Variants in OSBPL11 observed in about 807,000 individuals in gnomAD.
OSBPL11 encodes oxysterol binding protein like 11, also known as oxysterol-binding protein-related protein 11.
A neutral mutation model predicts 84.4 loss-of-function variants in OSBPL11; 33 were observed. The ratio of observed to expected loss-of-function variants is 0.39; its 90% CI spans 0.30 to 0.52. The LOEUF is 0.52. Ranked by LOEUF, OSBPL11 falls within the 20% of genes least tolerant of loss-of-function variation. The pLI is 0.72. For missense variants in OSBPL11, 736 were observed against 901.1 expected (o/e 0.82, Z 2.35); for synonymous variants, 276 against 310.2 (o/e 0.89, Z 1.16).
At chr3:125,591,109 C>T (rs1012590616) in intron 1 of OSBPL11, among the ~76,000 whole-genome samples, 14 of 152,170 alleles carry the variant, frequency 9.2e-5, no homozygotes, top group African/African-American at 3.4e-4. Flanking sequence ...ATTTCCAATA[C>T]TCCATATCTC....
chr3:125,537,397 A>G (rs2922174), intron 11 of OSBPL11, among the ~76,000 whole-genome samples: 151,224 of 152,158 alleles, frequency 0.99, 75,175 homozygotes, highest in African/African-American at 1. Flanking sequence ...GTGAAAAATG[A>G]TAAATAATAT....
chr3:125,546,773 A>G (rs1473611328), intron 10 of OSBPL11, among the ~76,000 whole-genome samples: 5 of 152,054 alleles, frequency 3.3e-5, no homozygotes, highest in Admixed American at 2.0e-4. Flanking sequence ...TGCCGTAATC[A>G]CAGCTACTTG....
rs1256290142 is a variant in OSBPL11, at chr3:125,552,577, T to C, written c.1258A>G (p.Thr420Ala). The part of the protein sequence containing the change: ...DLFIAITNGA[T>A]AEDRMIRFVE... ...AAGCGAATCATTCTGTCCTCAGCTG[T>C]GGCTCCATTAGTGATGGCTATAAAT... Residue 420 changes from threonine (T) to alanine (A), a missense_variant, in exon 9 of 13, where the codon ACA becomes GCA. Physicochemically the swap from Thr to Ala is moderately conservative, Grantham distance 58. Around this residue, in one of 3 missense-constraint regions of OSBPL11, gnomAD observed 579 missense variants for 717.6 expected, o/e 0.81. Coordinates refer to ENST00000296220, the MANE Select transcript of OSBPL11 (RefSeq NM_022776.5). The C allele has an allele frequency of 1.2e-6, 2 of 1,614,206 alleles. No individual in the cohort carries two copies. The highest frequency in any genetic ancestry group is 3.3e-5 in the Admixed American group (2 of 60,030).
chr3:125,589,955 A>G (rs1333441272), intron 1 of OSBPL11, among the ~76,000 whole-genome samples: 3 of 152,064 alleles, frequency 2.0e-5, no homozygotes, highest in Admixed American at 2.0e-4. Context: ...GCCATCAAAC[A>G]CCCTGGTTTG....
intron 8 of OSBPL11, among the ~76,000 whole-genome samples, chr3:125,556,874 G>A (rs751883061): frequency 1.3e-5 from 2 of 152,202 alleles, no homozygotes; most frequent in Non-Finnish European, 2.9e-5. Flanking sequence ...GGGGAACTCA[G>A]AGATTCCAAG....
At chr3:125,569,783 A>C (rs919681030) in intron 5 of OSBPL11, among the ~76,000 whole-genome samples, 4 of 152,192 alleles carry the variant, frequency 2.6e-5, no homozygotes, top group Admixed American at 1.3e-4. Flanking sequence ...AGTAAATCTC[A>C]AACACATACA....
At position 125,594,949 on chromosome 3, in the gene OSBPL11, G is replaced by C. The variant is rs1161037136; in HGVS notation, c.-149C>G. The C allele has an allele frequency of 6.3e-6, 5 of 791,112 alleles. No homozygotes were observed. In the East Asian group the frequency reaches 1.3e-4, roughly 21 times the overall value. 49.0% of individuals were successfully genotyped at this position (791,112 alleles called of 1,614,324 possible). A position where few individuals can be genotyped will look rare whatever the true frequency, so the allele number is the denominator to read the frequency against. On this transcript the variant is annotated 5_prime_UTR_variant, in exon 1 of 13. Transcript: ENST00000296220. ...TGGGGCGGGACTGTCAAATGGTCCAGAAAAGGAAGATACACATTCCCACAG... is the reference window on the plus strand; with the variant it reads ...TGGGGCGGGACTGTCAAATGGTCCACAAAAGGAAGATACACATTCCCACAG...
At chr3:125,590,848 A>G (rs1371172284) in intron 1 of OSBPL11, among the ~76,000 whole-genome samples, 2 of 152,220 alleles carry the variant, frequency 1.3e-5, no homozygotes, top group African/African-American at 4.8e-5. Context: ...GAGTTTATCT[A>G]CTTTTAATAC....
chr3:125,575,998 G>A (rs1026736334), intron 5 of OSBPL11, among the ~76,000 whole-genome samples, 191 bp downstream of exon 5: 2 of 149,686 alleles, frequency 1.3e-5, no homozygotes, highest in Non-Finnish European at 3.0e-5. Flanking sequence ...TACCTAGTAC[G>A]TGACAGACAT....
chr3:125,584,031 C>T (rs1936468005), intron 1 of OSBPL11, among the ~76,000 whole-genome samples: 1 of 152,158 alleles, frequency 6.6e-6, no homozygotes. Flanking sequence ...AGAGCTCCTC[C>T]TCTGTTTTAG....
chr3:125,530,233 T>C lies in OSBPL11; in HGVS notation c.*282A>G, dbSNP rs895512886. On this transcript the variant is annotated 3_prime_UTR_variant, in exon 13 of 13. Transcript: ENST00000296220. ...AAAATAGGGGATTCAAACTTAACTT[T>C]AGGAGCAAGAACTGGATAAAAGATT... The C allele has an allele frequency of 1.1e-5, 4 of 364,700 alleles. No homozygotes were observed. The highest frequency in any genetic ancestry group is 7.3e-4 in the Middle Eastern group (1 of 1,362). The allele number at this position is 364,700 out of a possible 1,614,324, so 22.6% of individuals were successfully genotyped here. A position where few individuals can be genotyped will look rare whatever the true frequency, so the allele number is the denominator to read the frequency against.
chr3:125,566,081 C>T (rs1018035492), intron 6 of OSBPL11, among the ~76,000 whole-genome samples: 6 of 152,204 alleles, frequency 3.9e-5, no homozygotes, highest in African/African-American at 1.4e-4. Flanking sequence ...TCTGGGCTCA[C>T]TGCACCCTCC....
chr3:125,583,343 G>A lies in OSBPL11; in HGVS notation c.165-365C>T, dbSNP rs1289515174. Among the ~76,000 whole-genome samples the A allele has an allele frequency of 3.9e-5, 6 of 152,142 alleles. No homozygotes were observed. The East Asian group carries it at 1.2e-3, about 29-fold the overall frequency. ...AACCTGTAATCCCAGCACTTTGGGA[G>A]GCCAAGGCAGGAGGATCACTTGAGG... On this transcript the variant is annotated intron_variant, in intron 1 of 12. Coordinates refer to ENST00000296220, the MANE Select transcript of OSBPL11 (RefSeq NM_022776.5).
chr3:125,581,556 C>T (rs115237354), intron 2 of OSBPL11, among the ~76,000 whole-genome samples: 10,166 of 151,386 alleles, frequency 0.067, 460 homozygotes, highest in Non-Finnish European at 0.098. Context: ...ACTAGCTGGG[C>T]GAGGTGGCGT....
At chr3:125,538,756 T>C (rs1021660754) in intron 10 of OSBPL11, 123 bp from the exon 11 acceptor site, 5 of 711,544 alleles carry the variant, frequency 7.0e-6, no homozygotes, top group Non-Finnish European at 8.9e-6. Flanking sequence ...CTCACTTCAA[T>C]ATGTCAGTGC....
intron 10 of OSBPL11, among the ~76,000 whole-genome samples, chr3:125,546,158 G>GTT (rs1183901077): frequency 3.1e-4 from 44 of 143,922 alleles, no homozygotes; most frequent in African/African-American, 1.1e-3. Context: ...AGTCTATTTC[G>GTT]TTTTTTTTGT....
chr3:125,590,461 A>G (rs1222670819), intron 1 of OSBPL11, among the ~76,000 whole-genome samples: 1 of 152,090 alleles, frequency 6.6e-6, no homozygotes, highest in Non-Finnish European at 1.5e-5. Context: ...GAGGCAGGAG[A>G]ATCGCTTGGA....
intron 5 of OSBPL11, among the ~76,000 whole-genome samples, chr3:125,575,767 G>C (rs1216888816): frequency 1.3e-5 from 2 of 150,686 alleles, no homozygotes; most frequent in Admixed American, 6.7e-5. Flanking sequence ...AAACTCCTGG[G>C]CTCCAGAAAT....
intron 10 of OSBPL11, among the ~76,000 whole-genome samples, chr3:125,544,258 G>A (rs1014686557): frequency 2.6e-5 from 4 of 151,984 alleles, no homozygotes; most frequent in Non-Finnish European, 5.9e-5. Context: ...GTTTCACCAT[G>A]TTGACCAGGC....
Sources: allele counts gnomAD v4.1 joint callset (sites outside exome capture counted in the v4.1 genomes callset), GRCh38; gene constraint gnomAD v4.1.1; regional missense constraint gnomAD v4.1.1; transcripts MANE v1.5; gene names NCBI Gene and HGNC (gene_info 2026-07-23, HGNC 2026-07-21).